ARID3B: variants seen among roughly 807,000 people sequenced by gnomAD.
The protein encoded by ARID3B is AT-rich interactive domain-containing protein 3B.
ARID3B carries 10 observed loss-of-function variants against 51.9 expected under a neutral mutation model. The ratio of observed to expected loss-of-function variants is 0.19; its 90% confidence interval spans 0.12 to 0.33. ARID3B has a LOEUF of 0.33. ARID3B is among the 10% of genes least tolerant of loss of function. The pLI is 1.00. For synonymous variants in ARID3B, 205 were observed against 279.5 expected, an observed-to-expected ratio of 0.73 and a Z score of 2.66; for missense variants, 483 against 716.3, an observed-to-expected ratio of 0.67 and a Z score of 3.72.
intron 2 of ARID3B, among the ~76,000 whole-genome samples, chr15:74,557,817 C>CTTT (rs11307414): frequency 6.6e-4 from 72 of 109,766 alleles, no homozygotes; most frequent in African/African-American, 1.3e-3. Context: ...TTTCGACTTA[C>CTTT]TTTTTTTTTT....
At chr15:74,579,856 TGTGTGTGTGTGTGTGTGC>T (rs1046105585) in intron 4 of ARID3B, among the ~76,000 whole-genome samples, 11 of 144,684 alleles carry the variant, frequency 7.6e-5, no homozygotes, top group African/African-American at 3.0e-4. Context: ...TGTGTGTGTG[TGTGTGTGTGTGTGTGTGC>T]GCGCGCGCGC....
At chr15:74,578,275 G>A (rs747106214) in intron 4 of ARID3B, among the ~76,000 whole-genome samples, 4 of 151,640 alleles carry the variant, frequency 2.6e-5, no homozygotes, top group African/African-American at 4.9e-5. Flanking sequence ...CTGGGTTCAA[G>A]CTATTCTCCT....
chr15:74,542,036 C>CT (rs1438517462), intron 1 of ARID3B, among the ~76,000 whole-genome samples: 5 of 152,156 alleles, frequency 3.3e-5, no homozygotes, highest in Non-Finnish European at 7.3e-5. Context: ...CTATAAGAGG[C>CT]TGTGGGAGGG....
chr15:74,566,121 C>T (rs537253403), intron 2 of ARID3B, among the ~76,000 whole-genome samples: 4 of 152,228 alleles, frequency 2.6e-5, no homozygotes, highest in Admixed American at 6.5e-5. Flanking sequence ...TGCTACTCTC[C>T]GTCTCCCCCA....
intron 1 of ARID3B, among the ~76,000 whole-genome samples, chr15:74,543,526 C>T (rs926585285): frequency 1.3e-5 from 2 of 152,136 alleles, no homozygotes; most frequent in Non-Finnish European, 2.9e-5. Flanking sequence ...AACATTAGTT[C>T]AGTAACAGAT....
intron 2 of ARID3B, among the ~76,000 whole-genome samples, chr15:74,571,072 C>T (rs1266627918): frequency 1.3e-5 from 2 of 152,130 alleles, no homozygotes; most frequent in Non-Finnish European, 2.9e-5. Context: ...TAGTCTGTTT[C>T]ATTTTAACTG....
At chr15:74,562,481 G>A (rs1055512989) in intron 2 of ARID3B, among the ~76,000 whole-genome samples, 1 of 152,102 alleles carries the variant, frequency 6.6e-6, no homozygotes, top group Admixed American at 6.5e-5. Context: ...GGTTGTTAAC[G>A]CCATCATAAG....
intron 2 of ARID3B, among the ~76,000 whole-genome samples, chr15:74,549,898 C>G (rs890433975): frequency 6.6e-6 from 1 of 152,176 alleles, no homozygotes; most frequent in African/African-American, 2.4e-5. Context: ...CATCCTATAA[C>G]GCACTGGACA....
intron 1 of ARID3B, 84 bp from the exon 2 acceptor site, chr15:74,543,776 C>G (rs2061603164): frequency 1.1e-6 from 1 of 878,244 alleles, no homozygotes; most frequent in South Asian, 1.8e-5. Context: ...TGGCCCTCTA[C>G]TGGAGAAAAG....
chr15:74,546,253 C>G lies in ARID3B; in HGVS notation c.552+1765C>G, dbSNP rs1021627561. Among the ~76,000 whole-genome samples the G allele has an allele frequency of 3.3e-5, 5 of 152,342 alleles. No individual in the cohort carries two copies. The East Asian group carries it at 9.6e-4, about 29-fold the overall frequency. On this transcript the variant is annotated intron_variant, in intron 2 of 8. Coordinates refer to ENST00000346246, the MANE Select transcript of ARID3B (RefSeq NM_006465.4). ...AAACATCTGTGAGTTGCCGGCTGCC[C>G]CCGCACTGCTGTGTGGTTGGCAGAG... is the stretch of plus-strand genomic sequence containing the variant.
chr15:74,591,298 T>C lies in ARID3B; in HGVS notation c.1029T>C (p.Ala343=). 12 of 1,613,678 alleles carry C rather than the reference T, an allele frequency of 7.4e-6. No individual in the cohort carries two copies. Among genetic ancestry groups the C allele is most frequent in the Non-Finnish European group, 1.0e-5 (12 of 1,179,926 alleles). Reference sequence around the variant, plus strand: ...TCTTTGGCTACTCACCTGCTGCGGCTACTGCTGCTGCCGCTGCCGGGGCCC... The same window carrying C: ...TCTTTGGCTACTCACCTGCTGCGGCCACTGCTGCTGCCGCTGCCGGGGCCC... The part of the protein sequence containing the change: ...SSLFGYSPAA[A]TAAAAAGAPA... Residue 343 remains alanine (A), a synonymous_variant, in exon 6 of 9, where the codon GCT becomes GCC. Transcript: ENST00000346246. The surrounding 1 kb of genome is among the most constrained non-coding windows in gnomAD (Gnocchi z 5.8).
intron 4 of ARID3B, among the ~76,000 whole-genome samples, chr15:74,581,174 C>T (rs1335275881): frequency 6.6e-6 from 1 of 152,168 alleles, no homozygotes; most frequent in African/African-American, 2.4e-5. Context: ...CCTGCCCTCC[C>T]GCCCCCATCA....
intron 2 of ARID3B, 49 bp from the exon 3 acceptor site, chr15:74,572,811 ACT>A: frequency 6.3e-7 from 1 of 1,574,860 alleles, no homozygotes; most frequent in Middle Eastern, 1.7e-4. Flanking sequence ...CTCTGTCCTA[ACT>A]CTTTCTCTTC....
At chr15:74,562,606 C>T (rs1200334143) in intron 2 of ARID3B, among the ~76,000 whole-genome samples, 2 of 152,224 alleles carry the variant, frequency 1.3e-5, no homozygotes, top group Admixed American at 6.5e-5. Flanking sequence ...CTCACCACAG[C>T]CTCCCAAAGT....
intron 2 of ARID3B, among the ~76,000 whole-genome samples, chr15:74,559,653 C>G (rs1179510109): frequency 6.6e-6 from 1 of 152,102 alleles, no homozygotes; most frequent in Non-Finnish European, 1.5e-5. Context: ...CCCTCTTGCT[C>G]CCTTCCAGAT....
Position 74,593,181 on chromosome 15 carries a change from G to C in ARID3B, c.1464G>C (p.Thr488=), listed in dbSNP as rs533604613. 11 of 1,613,618 alleles carry C rather than the reference G, an allele frequency of 6.8e-6. No individual in the cohort carries two copies. The East Asian group carries it at 2.2e-4, about 33-fold the overall frequency. The change falls in exon 8 of 9, where the codon ACG becomes ACC. Residue 488 remains threonine, a synonymous_variant. Coordinates refer to ENST00000346246, the MANE Select transcript of ARID3B (RefSeq NM_006465.4). ...EASAAALNLT[T]SSIGSINMSV... The stretch of plus-strand genomic sequence containing the variant: ...CGGCTGCAGCACTGAACCTGACCAC[G>C]AGTAGCATTGGGAGCATTAACATGT...
intron 4 of ARID3B, among the ~76,000 whole-genome samples, chr15:74,577,483 AAG>A (rs558383329): frequency 8.9e-4 from 136 of 152,154 alleles, no homozygotes; most frequent in Middle Eastern, 3.4e-3. Context: ...AAAATTTTAA[AAG>A]AGGGGTGGGA....
At chr15:74,590,361 G>C (rs981628211) in intron 5 of ARID3B, among the ~76,000 whole-genome samples, 1 of 152,204 alleles carries the variant, frequency 6.6e-6, no homozygotes, top group Non-Finnish European at 1.5e-5. Context: ...TCAGACCTGG[G>C]CTTCTGTCTC....
chr15:74,573,274 T>G (rs770797974), intron 4 of ARID3B, 70 bp downstream of exon 4: 1 of 1,500,674 alleles, frequency 6.7e-7, no homozygotes, highest in South Asian at 1.1e-5. Flanking sequence ...TGCTAGTCAC[T>G]GTTAGACATC....
Sources: gnomAD v4.1 joint callset for allele counts (sites outside exome capture counted in the v4.1 genomes callset) on GRCh38, gnomAD v4.1.1 for gene constraint, Gnocchi (gnomAD v3.1) non-coding constraint, MANE v1.5 for transcripts, NCBI Gene and HGNC (gene_info 2026-07-23, HGNC 2026-07-21) for gene names.